Variants in TENM2 observed in about 807,000 individuals in gnomAD.
The protein encoded by TENM2 is teneurin-2.
TENM2 carries 52 observed loss-of-function variants against 245.2 expected under a neutral mutation model. The observed-to-expected ratio is 0.21, with a 90% CI of 0.17 to 0.27. The LOEUF (loss-of-function observed/expected upper bound fraction) is 0.27. Ranked by LOEUF, TENM2 falls within the 10% of genes least tolerant of loss-of-function variation. The pLI is 1.00. For synonymous variants in TENM2, 1,363 were observed against 1,438.9 expected (o/e 0.95, Z 1.19); for missense variants, 3,046 against 3,666.8 (o/e 0.83, Z 4.37).
chr5:167,172,517 G>T, the TENM2 span, among the ~76,000 whole-genome samples: 1 of 152,082 alleles, frequency 6.6e-6, no homozygotes, highest in Non-Finnish European at 1.5e-5. Flanking sequence ...CTCTTGACTA[G>T]TCTTGATGTT....
intron 7 of TENM2, among the ~76,000 whole-genome samples, chr5:168,064,055 G>T (rs1222619501): frequency 2.6e-5 from 4 of 152,042 alleles, no homozygotes; most frequent in Admixed American, 2.0e-4. Flanking sequence ...TGACCAAGCA[G>T]AACTCTTGAT....
intron 3 of TENM2, among the ~76,000 whole-genome samples, chr5:167,902,999 A>AT (rs1340259003): frequency 1.3e-5 from 2 of 152,220 alleles, no homozygotes; most frequent in Admixed American, 1.3e-4. Flanking sequence ...AATGATAAGT[A>AT]TTTGAGATGA....
chr5:167,896,621 G>T (rs1223241175), intron 3 of TENM2, among the ~76,000 whole-genome samples: 1 of 152,164 alleles, frequency 6.6e-6, no homozygotes, highest in Non-Finnish European at 1.5e-5. Context: ...CAATACAAAG[G>T]TGGAAATGTG....
intron 2 of TENM2, among the ~76,000 whole-genome samples, chr5:167,508,003 C>A (rs917225367): frequency 1.3e-5 from 2 of 152,064 alleles, no homozygotes; most frequent in Admixed American, 1.3e-4. Flanking sequence ...AGAAAGAGCT[C>A]TGTGACTCAG....
At chr5:166,996,743 A>T in the TENM2 span, among the ~76,000 whole-genome samples, 10 of 152,226 alleles carry the variant, frequency 6.6e-5, no homozygotes, top group African/African-American at 2.2e-4. Flanking sequence ...TTGTACCTAG[A>T]TGAAGAGATG....
the TENM2 span, among the ~76,000 whole-genome samples, chr5:167,145,794 C>T: frequency 4.6e-5 from 7 of 152,240 alleles, no homozygotes; most frequent in South Asian, 1.5e-3. Flanking sequence ...AGAACGATAG[C>T]AGTTTGAATT....
chr5:167,085,998 A>C, the TENM2 span, among the ~76,000 whole-genome samples: 1 of 152,158 alleles, frequency 6.6e-6, no homozygotes, highest in East Asian at 1.9e-4. Flanking sequence ...TACCTAGGAG[A>C]AGTCTCACTA....
chr5:167,632,180 G>GT (rs1359921883), intron 2 of TENM2, among the ~76,000 whole-genome samples: 1 of 152,168 alleles, frequency 6.6e-6, no homozygotes, highest in Non-Finnish European at 1.5e-5. Context: ...GCCCACCTGA[G>GT]AGGGCTGTAG....
At chr5:167,210,685 G>C in the TENM2 span, among the ~76,000 whole-genome samples, 11 of 151,002 alleles carry the variant, frequency 7.3e-5, no homozygotes, top group South Asian at 2.3e-3. Flanking sequence ...GGATGGTCTC[G>C]ATCTCCTGAC....
At chr5:167,125,297 G>A in the TENM2 span, among the ~76,000 whole-genome samples, 586 of 152,356 alleles carry the variant, frequency 3.8e-3, 6 homozygotes, top group Non-Finnish European at 5.6e-3. Context: ...GAAGAAGCAA[G>A]TAATTATTCA....
chr5:166,995,297 TG>T, the TENM2 span, among the ~76,000 whole-genome samples: 1 of 151,948 alleles, frequency 6.6e-6, no homozygotes, highest in African/African-American at 2.4e-5. Flanking sequence ...TGGAGTGCAG[TG>T]GCCCAATCTC....
chr5:167,432,115 C>A (rs1193788104), intron 2 of TENM2, among the ~76,000 whole-genome samples: 3 of 151,094 alleles, frequency 2.0e-5, no homozygotes, highest in Non-Finnish European at 4.4e-5. Context: ...CAAACTGTTA[C>A]CCCTGGTCAA....
intron 3 of TENM2, among the ~76,000 whole-genome samples, chr5:167,901,734 A>T (rs1024857273): frequency 5.9e-5 from 9 of 152,224 alleles, no homozygotes; most frequent in African/African-American, 2.2e-4. Flanking sequence ...ATGTTCTTCC[A>T]TCATGCTGGC....
chr5:168,186,053 G>A (rs1760400231), intron 13 of TENM2: 1 of 149,498 alleles, frequency 6.7e-6, no homozygotes, highest in African/African-American at 2.4e-5. Context: ...TATGGCATAT[G>A]TACAATTATA....
intron 3 of TENM2, among the ~76,000 whole-genome samples, chr5:167,927,159 CTTTGATTTTTGT>C (rs1475442776): frequency 6.6e-6 from 1 of 151,996 alleles, no homozygotes; most frequent in African/African-American, 2.4e-5. Context: ...TTAAAATTTA[CTTTGATTTTTGT>C]TTTGATTTCC....
At chr5:167,023,741 C>T in the TENM2 span, among the ~76,000 whole-genome samples, 1 of 152,028 alleles carries the variant, frequency 6.6e-6, no homozygotes, top group African/African-American at 2.4e-5. Flanking sequence ...ATCTATATGT[C>T]CAAGATAGAA....
intron 2 of TENM2, among the ~76,000 whole-genome samples, chr5:167,605,493 C>G (rs376967210): frequency 3.9e-5 from 6 of 152,168 alleles, no homozygotes; most frequent in East Asian, 1.9e-4. Context: ...TAAATATAGT[C>G]TTAGGTCCCC....
chr5:166,979,185 GCAC>G, the TENM2 span, among the ~76,000 whole-genome samples: 783 of 137,836 alleles, frequency 5.7e-3, 3 homozygotes, highest in African/African-American at 0.014. Context: ...AGCAGCAGCA[GCAC>G]CACCACCAGC....
chr5:167,657,171 A>T (rs889304389), intron 2 of TENM2, among the ~76,000 whole-genome samples: 1 of 152,032 alleles, frequency 6.6e-6, no homozygotes, highest in Non-Finnish European at 1.5e-5. Context: ...TCTCTATGAG[A>T]TCATGTTTTT....
Sources: gnomAD v4.1 joint callset for allele counts (sites outside exome capture counted in the v4.1 genomes callset) on GRCh38, gnomAD v4.1.1 for gene constraint, MANE v1.5 for transcripts, NCBI Gene and HGNC (gene_info 2026-07-23, HGNC 2026-07-21) for gene names.